SRRM4: variants seen among roughly 807,000 people sequenced by gnomAD.
SRRM4 encodes serine/arginine repetitive matrix 4.
Under a neutral mutation model 68.9 loss-of-function variants are expected in SRRM4, and 33 were observed. That is an observed-to-expected ratio of 0.48 (90% CI 0.36 to 0.64). SRRM4 has a LOEUF of 0.64. Ranked by LOEUF, SRRM4 falls within the 30% of genes least tolerant of loss-of-function variation. The probability of loss-of-function intolerance (pLI) is 0.00; values close to 1 mark genes in which losing one functional copy is unlikely to be tolerated. For missense variants in SRRM4, 817 were observed against 827.1 expected, an observed-to-expected ratio of 0.99 and a Z score of 0.15; for synonymous variants, 318 against 318.8, an observed-to-expected ratio of 1.00 and a Z score of 0.03.
At chr12:119,091,353 G>A (rs73211888) in intron 1 of SRRM4, among the ~76,000 whole-genome samples, 5,755 of 152,198 alleles carry the variant, frequency 0.038, 124 homozygotes, top group African/African-American at 0.05. Flanking sequence ...CAGCTTGGTG[G>A]TAGGAAGCCA....
chr12:119,073,061 C>A (rs559298758), intron 1 of SRRM4, among the ~76,000 whole-genome samples: 1 of 146,878 alleles, frequency 6.8e-6, no homozygotes, highest in African/African-American at 2.5e-5. Flanking sequence ...AGTGAGCAGG[C>A]AAGACAAGAG....
chr12:119,152,803 TA>T, intron 10 of SRRM4, among the ~76,000 whole-genome samples: 1 of 152,348 alleles, frequency 6.6e-6, no homozygotes, highest in East Asian at 1.9e-4. Flanking sequence ...CCCTGTTTTC[TA>T]AAAGTGGGAG....
chr12:119,110,906 C>A (rs868180064), intron 2 of SRRM4, among the ~76,000 whole-genome samples: 5 of 152,210 alleles, frequency 3.3e-5, no homozygotes, highest in Admixed American at 1.3e-4. Flanking sequence ...GCATCACTCA[C>A]GCTGGGAGCT....
intron 1 of SRRM4, among the ~76,000 whole-genome samples, chr12:118,985,096 T>G: frequency 6.6e-6 from 1 of 152,218 alleles, no homozygotes; most frequent in Non-Finnish European, 1.5e-5. Flanking sequence ...TCCTCATCAT[T>G]GTGTTCTCCA....
chr12:119,023,370 T>G (rs1409096687), intron 1 of SRRM4, among the ~76,000 whole-genome samples: 1 of 152,186 alleles, frequency 6.6e-6, no homozygotes, highest in Non-Finnish European at 1.5e-5. Flanking sequence ...TTAGTTCTGT[T>G]TATCCTTTCT....
intron 1 of SRRM4, among the ~76,000 whole-genome samples, chr12:119,098,508 T>C (rs768262780): frequency 6.6e-5 from 10 of 152,164 alleles, no homozygotes; most frequent in Non-Finnish European, 1.3e-4. Flanking sequence ...ATTGAAAAAA[T>C]ATTGCCTGAT....
At position 119,155,724 on chromosome 12, in the gene SRRM4, G is replaced by A. The variant is rs558935118; in HGVS notation, c.1533-771G>A. On this transcript the variant is annotated intron_variant, in intron 12 of 12. Coordinates refer to ENST00000267260, the MANE Select transcript of SRRM4 (RefSeq NM_194286.4). ...TGCATTCCAACCTGGGTGACAGAGCGAGACCCTGTCTGAAAAAATGTAATT... is the reference window on the plus strand; with the variant it reads ...TGCATTCCAACCTGGGTGACAGAGCAAGACCCTGTCTGAAAAAATGTAATT... Among the ~76,000 whole-genome samples the A allele has an allele frequency of 6.0e-3, 910 of 152,224 alleles. 2 individuals carry two copies. Among genetic ancestry groups the A allele is most frequent in the Non-Finnish European group, 9.7e-3 (661 of 68,032 alleles).
At chr12:119,095,158 G>A (rs7295253) in intron 1 of SRRM4, among the ~76,000 whole-genome samples, 5,779 of 152,160 alleles carry the variant, frequency 0.038, 124 homozygotes, top group African/African-American at 0.051. Context: ...AAAACGAGTC[G>A]GAATGCCAAG....
At chr12:119,150,866 G>A in intron 9 of SRRM4, 151 bp from the exon 10 acceptor site, 1 of 676,876 alleles carries the variant, frequency 1.5e-6, no homozygotes, top group Non-Finnish European at 2.6e-6. Flanking sequence ...TATGTGGCCT[G>A]GGAAGTCTTT....
At position 118,982,339 on chromosome 12, in the gene SRRM4, G is replaced by A. The variant is rs182055345; in HGVS notation, c.131+326G>A. On this transcript the variant is annotated intron_variant, in intron 1 of 12. Coordinates refer to ENST00000267260, the MANE Select transcript of SRRM4 (RefSeq NM_194286.4). ...TTCTTGGTGTCACAGAGTCCAGAGG[G>A]CAGGTGGGCCAAGGAATGGTGGATT... 3.3e-5 allele frequency among the ~76,000 whole-genome samples: 5 copies of A among 152,300 alleles called. No homozygotes were observed. The East Asian group carries it at 7.7e-4, about 24-fold the overall frequency.
chr12:119,132,086 G>C (rs1954301815), intron 8 of SRRM4, among the ~76,000 whole-genome samples: 2 of 152,172 alleles, frequency 1.3e-5, no homozygotes, highest in Admixed American at 1.3e-4. Flanking sequence ...CAAATCCTCT[G>C]CCTACCTGGA....
chr12:119,025,264 A>G (rs1953540675), intron 1 of SRRM4, among the ~76,000 whole-genome samples: 1 of 151,886 alleles, frequency 6.6e-6, no homozygotes, highest in Admixed American at 6.6e-5. Context: ...AAACACCAGT[A>G]TGTAAGGGGA....
At chr12:119,125,172 C>T (rs927012503) in intron 6 of SRRM4, among the ~76,000 whole-genome samples, 2 of 152,088 alleles carry the variant, frequency 1.3e-5, no homozygotes, top group African/African-American at 2.4e-5. Flanking sequence ...TCTGCTCACC[C>T]GTATTCAGTA....
chr12:119,076,817 C>T (rs564185084), intron 1 of SRRM4, among the ~76,000 whole-genome samples: 56 of 152,118 alleles, frequency 3.7e-4, no homozygotes, highest in Non-Finnish European at 7.5e-4. Context: ...TTATAATTCT[C>T]GATAGCAAAC....
At chr12:119,136,512 T>A (rs1001414660) in intron 8 of SRRM4, among the ~76,000 whole-genome samples, 2 of 152,094 alleles carry the variant, frequency 1.3e-5, no homozygotes, top group East Asian at 3.8e-4. Flanking sequence ...GGAAGTGACA[T>A]AGCATTGTCA....
chr12:119,000,032 G>A (rs1246060763), intron 1 of SRRM4, among the ~76,000 whole-genome samples: 1 of 152,144 alleles, frequency 6.6e-6, no homozygotes, highest in Admixed American at 6.5e-5. Context: ...ACTGTATTAT[G>A]ACACATGATG....
intron 1 of SRRM4, among the ~76,000 whole-genome samples, chr12:119,033,434 G>A (rs1953605177): frequency 6.6e-6 from 1 of 152,188 alleles, no homozygotes; most frequent in Non-Finnish European, 1.5e-5. Context: ...GGGAGACGGA[G>A]GTGGGCAGAT....
At chr12:119,002,497 CGTT>C (rs767552373) in intron 1 of SRRM4, among the ~76,000 whole-genome samples, 1 of 152,106 alleles carries the variant, frequency 6.6e-6, no homozygotes, top group Non-Finnish European at 1.5e-5. Flanking sequence ...ATGGCACTGG[CGTT>C]GTCAGAAACC....
intron 1 of SRRM4, among the ~76,000 whole-genome samples, chr12:119,003,266 T>A (rs7297741): frequency 0.72 from 108,940 of 151,204 alleles, 40,253 homozygotes; most frequent in Middle Eastern, 0.89. Context: ...CTCTACCCCC[T>A]CCCCATCCCC....
Sources: gnomAD v4.1 joint callset for allele counts (sites outside exome capture counted in the v4.1 genomes callset) on GRCh38, gnomAD v4.1.1 for gene constraint, MANE v1.5 for transcripts, NCBI Gene and HGNC (gene_info 2026-07-23, HGNC 2026-07-21) for gene names.